GALNT17: variants seen among roughly 807,000 people sequenced by gnomAD.
GALNT17 encodes UDP-GalNAc:polypeptide N-acetylgalactosaminyltransferase-like 3.
A neutral mutation model predicts 63.7 loss-of-function variants in GALNT17; 29 were observed. The ratio of observed to expected loss-of-function variants is 0.46; its 90% CI spans 0.34 to 0.62. The LOEUF is 0.62. Ranked by LOEUF, GALNT17 falls within the 20% of genes least tolerant of loss-of-function variation. The pLI, the probability that GALNT17 is intolerant of heterozygous loss-of-function variation, is 0.01. For missense variants in GALNT17, 603 were observed against 799.6 expected, an observed-to-expected ratio of 0.75 and a Z score of 2.97; for synonymous variants, 305 against 318.3, an observed-to-expected ratio of 0.96 and a Z score of 0.45.
At chr7:71,247,313 A>T (rs1292299724) in intron 1 of GALNT17, among the ~76,000 whole-genome samples, 1 of 152,166 alleles carries the variant, frequency 6.6e-6, no homozygotes, top group Admixed American at 6.5e-5. Flanking sequence ...AGCTTTGGGG[A>T]TAGATGGGGA....
At chr7:71,540,278 G>A (rs1299582500) in intron 5 of GALNT17, among the ~76,000 whole-genome samples, 3 of 150,652 alleles carry the variant, frequency 2.0e-5, no homozygotes, top group South Asian at 2.1e-4. Context: ...CACTATGCCC[G>A]GCTAATTTTT....
intron 5 of GALNT17, among the ~76,000 whole-genome samples, chr7:71,464,385 G>C (rs1787501912): frequency 6.6e-6 from 1 of 152,160 alleles, no homozygotes; most frequent in Non-Finnish European, 1.5e-5. Flanking sequence ...GATCAGAGGA[G>C]CCTAACCAAG....
chr7:71,677,149 A>G, intron 8 of GALNT17, 62 bp from the exon 9 acceptor site: 1 of 1,551,572 alleles, frequency 6.4e-7, no homozygotes, highest in Non-Finnish European at 8.9e-7. Context: ...TAGAACAGTG[A>G]CTCGGCATCC....
chr7:71,314,613 T>C (rs1006519481), intron 1 of GALNT17, among the ~76,000 whole-genome samples: 3 of 152,336 alleles, frequency 2.0e-5, no homozygotes, highest in African/African-American at 7.2e-5. Context: ...TCTTTTCCAT[T>C]GTTTTGTTGA....
At chr7:71,476,010 A>T (rs942833092) in intron 5 of GALNT17, among the ~76,000 whole-genome samples, 1 of 152,204 alleles carries the variant, frequency 6.6e-6, no homozygotes, top group African/African-American at 2.4e-5. Flanking sequence ...AATTATCATC[A>T]TCATCATCAT....
At chr7:71,463,601 ATATAGT>A (rs541728795) in intron 5 of GALNT17, among the ~76,000 whole-genome samples, 2 of 152,176 alleles carry the variant, frequency 1.3e-5, no homozygotes, top group Non-Finnish European at 2.9e-5. Flanking sequence ...GCTAGACTGA[ATATAGT>A]TATAGTTATT....
At chr7:71,307,257 C>T (rs1427135075) in intron 1 of GALNT17, among the ~76,000 whole-genome samples, 2 of 152,124 alleles carry the variant, frequency 1.3e-5, no homozygotes, top group African/African-American at 2.4e-5. Context: ...TCCCATCAGC[C>T]GTGCACAAGG....
intron 2 of GALNT17, among the ~76,000 whole-genome samples, chr7:71,360,763 T>C (rs1792383681): frequency 6.6e-6 from 1 of 151,858 alleles, no homozygotes; most frequent in South Asian, 2.1e-4. Context: ...CAAAACCCCG[T>C]CTCTACTAAA....
At chr7:71,442,629 C>A (rs79455289) in intron 5 of GALNT17, among the ~76,000 whole-genome samples, 25 of 152,326 alleles carry the variant, frequency 1.6e-4, no homozygotes, top group African/African-American at 6.0e-4. Flanking sequence ...TGCTACCAGG[C>A]ACGCAGAGAG....
intron 5 of GALNT17, among the ~76,000 whole-genome samples, chr7:71,465,117 C>T (rs955308989): frequency 6.6e-6 from 1 of 152,164 alleles, no homozygotes; most frequent in Non-Finnish European, 1.5e-5. Flanking sequence ...CCACAGACAT[C>T]TAGGTGGCAG....
At chr7:71,495,654 T>TG (rs745969877) in intron 5 of GALNT17, among the ~76,000 whole-genome samples, 1 of 152,120 alleles carries the variant, frequency 6.6e-6, no homozygotes, top group Non-Finnish European at 1.5e-5. Context: ...CGGCCTGGAA[T>TG]GGGAGCACTA....
chr7:71,677,380 G>C, intron 9 of GALNT17, 74 bp downstream of exon 9: 1 of 1,415,122 alleles, frequency 7.1e-7, no homozygotes, highest in Non-Finnish European at 9.7e-7. Context: ...CAGGCCTTCT[G>C]GATAAACTTT....
chr7:71,422,310 C>T (rs1200770267), intron 5 of GALNT17, among the ~76,000 whole-genome samples: 1 of 152,172 alleles, frequency 6.6e-6, no homozygotes, highest in Non-Finnish European at 1.5e-5. Flanking sequence ...CCTTTGCTTC[C>T]TTCCTTCCCA....
chr7:71,439,095 C>T (rs1787020067), intron 5 of GALNT17, among the ~76,000 whole-genome samples: 1 of 152,000 alleles, frequency 6.6e-6, no homozygotes, highest in Admixed American at 6.6e-5. Context: ...TGCTATGTTG[C>T]CCTGGCTGGC....
chr7:71,612,127 C>G lies in GALNT17; in HGVS notation c.1080+40725C>G, dbSNP rs147086175. Among the ~76,000 whole-genome samples the G allele has an allele frequency of 7.4e-4, 113 of 152,266 alleles. 2 individuals are homozygous for G. Among genetic ancestry groups the G allele is most frequent in the African/African-American group, 2.6e-3 (109 of 41,566 alleles). On this transcript the variant is annotated intron_variant, in intron 6 of 10. Coordinates refer to ENST00000333538, the MANE Select transcript of GALNT17 (RefSeq NM_022479.3). ...CATTAAATTCAAATGGAATGTTCCC[C>G]CAGTGCAGAAGATTTTTTCAAACTT...
chr7:71,320,408 GAAA>G (rs35775246), intron 1 of GALNT17, among the ~76,000 whole-genome samples: 2 of 143,358 alleles, frequency 1.4e-5, no homozygotes, highest in African/African-American at 5.1e-5. Flanking sequence ...AGCTAATTTT[GAAA>G]AAAAAAAAAA....
chr7:71,174,244 A>C (rs1290564275), intron 1 of GALNT17, among the ~76,000 whole-genome samples: 1 of 152,174 alleles, frequency 6.6e-6, no homozygotes, highest in Non-Finnish European at 1.5e-5. Flanking sequence ...AGGAAGGGAC[A>C]TCTGAGCTGA....
chr7:71,562,260 G>C (rs914243868), intron 5 of GALNT17, among the ~76,000 whole-genome samples: 2 of 152,160 alleles, frequency 1.3e-5, no homozygotes, highest in African/African-American at 2.4e-5. Context: ...CACTGCATCT[G>C]GTTCACAGTC....
intron 6 of GALNT17, among the ~76,000 whole-genome samples, chr7:71,606,277 G>T (rs899358706): frequency 1.3e-5 from 2 of 152,042 alleles, no homozygotes; most frequent in African/African-American, 4.8e-5. Context: ...AAATGCTTAT[G>T]GACTGTGACT....
Sources: gnomAD v4.1 joint callset for allele counts (sites outside exome capture counted in the v4.1 genomes callset) on GRCh38, gnomAD v4.1.1 for gene constraint, MANE v1.5 for transcripts, NCBI Gene and HGNC (gene_info 2026-07-23, HGNC 2026-07-21) for gene names.